The following PLXNA4 variants were observed in gnomAD, a reference collection of about 807,000 sequenced individuals.
PLXNA4 encodes the protein plexin-A4.
In PLXNA4, 44 loss-of-function variants were observed where a neutral mutation model predicts 191.8. That is an observed-to-expected ratio of 0.23 (90% CI 0.18 to 0.29). The LOEUF is 0.29. Among genes scored for constraint, PLXNA4 ranks in the 10% least tolerant of loss-of-function variants. The pLI is 1.00. For synonymous variants in PLXNA4, 1,082 were observed against 1,009.5 expected (o/e 1.07, Z -1.36); for missense variants, 1,800 against 2,488.8 (o/e 0.72, Z 5.89).
intron 1 of PLXNA4, among the ~76,000 whole-genome samples, chr7:132,541,198 A>T (rs951112776): frequency 3.3e-5 from 5 of 152,134 alleles, no homozygotes; most frequent in African/African-American, 1.2e-4. Context: ...CCCCTAACTT[A>T]ACACCTCTCT....
intron 3 of PLXNA4, among the ~76,000 whole-genome samples, chr7:132,299,406 C>G (rs1801224089): frequency 6.6e-6 from 1 of 152,002 alleles, no homozygotes; most frequent in Non-Finnish European, 1.5e-5. Flanking sequence ...GAAAGAACAC[C>G]ATGTTAATGA....
chr7:132,485,424 G>A (rs1372017304), intron 3 of PLXNA4, among the ~76,000 whole-genome samples: 1 of 152,218 alleles, frequency 6.6e-6, no homozygotes, highest in East Asian at 1.9e-4. Flanking sequence ...ATGTCAGGCA[G>A]TAATTCACCA....
At chr7:132,222,871 C>T (rs781630600) in intron 9 of PLXNA4, among the ~76,000 whole-genome samples, 2 of 152,168 alleles carry the variant, frequency 1.3e-5, no homozygotes, top group African/African-American at 2.4e-5. Context: ...AGTATCTCAG[C>T]GATTCTTCAA....
intron 4 of PLXNA4, among the ~76,000 whole-genome samples, chr7:132,258,547 T>C (rs888906211): frequency 6.6e-6 from 1 of 152,184 alleles, no homozygotes; most frequent in Non-Finnish European, 1.5e-5. Flanking sequence ...TGCCTGACCA[T>C]AGCCCCTGCC....
intron 9 of PLXNA4, among the ~76,000 whole-genome samples, chr7:132,216,987 G>A (rs770050297): frequency 6.6e-6 from 1 of 152,188 alleles, no homozygotes; most frequent in Non-Finnish European, 1.5e-5. Flanking sequence ...AACTCCCTCG[G>A]AGGCTGTTTT....
chr7:132,532,720 T>C (rs1799668657), intron 1 of PLXNA4, among the ~76,000 whole-genome samples: 1 of 152,244 alleles, frequency 6.6e-6, no homozygotes, highest in Admixed American at 6.5e-5. Context: ...TAGCATTGTA[T>C]TCAAAGACCT....
intron 3 of PLXNA4, among the ~76,000 whole-genome samples, chr7:132,417,837 T>C (rs1262146444): frequency 6.6e-6 from 1 of 152,130 alleles, no homozygotes; most frequent in Non-Finnish European, 1.5e-5. Flanking sequence ...GGTTTACTCT[T>C]TGGTCCGTGG....
intron 8 of PLXNA4, among the ~76,000 whole-genome samples, chr7:132,225,506 G>A (rs181584351): frequency 1.6e-3 from 242 of 152,274 alleles, no homozygotes; most frequent in African/African-American, 5.4e-3. Flanking sequence ...CAGCTGGTCC[G>A]GCTACAGAGC....
intron 1 of PLXNA4, among the ~76,000 whole-genome samples, chr7:132,573,121 T>C (rs1436876443): frequency 6.7e-6 from 1 of 148,798 alleles, no homozygotes; most frequent in African/African-American, 2.5e-5. Flanking sequence ...GGAAGGGAGG[T>C]GTCAAGGGAG....
intron 29 of PLXNA4, among the ~76,000 whole-genome samples, chr7:132,142,354 T>C (rs954246772): frequency 6.6e-6 from 1 of 152,226 alleles, no homozygotes; most frequent in Admixed American, 6.5e-5. Flanking sequence ...TTTATTGTTT[T>C]GGTGGTTGTT....
At chr7:132,166,318 G>C (rs1796120915) in intron 22 of PLXNA4, among the ~76,000 whole-genome samples, 1 of 83,008 alleles carries the variant, frequency 1.2e-5, no homozygotes, top group Non-Finnish European at 3.4e-5. Context: ...GTTCATTCTT[G>C]AGTCTAACTT....
At position 132,463,299 on chromosome 7, in the gene PLXNA4, AGTG is replaced by A. The variant is rs369774669; in HGVS notation, c.1371+25990_1371+25992del. Among the ~76,000 whole-genome samples the A allele has an allele frequency of 1.8e-3, 269 of 152,326 alleles. 3 individuals carry two copies. The highest frequency in any genetic ancestry group is 5.9e-3 in the African/African-American group (247 of 41,582). ...CAGCACAGGTTAGGTTTGATCAGTC[AGTG>A]GATGCTGCTGGGTTGGAAACTGGAT... On this transcript the variant is annotated intron_variant, in intron 3 of 31. Coordinates refer to ENST00000321063, the MANE Select transcript of PLXNA4 (RefSeq NM_020911.2).
Position 132,378,281 on chromosome 7 carries a change from G to A in PLXNA4, c.1372-80059C>T, listed in dbSNP as rs377015416. Among the ~76,000 whole-genome samples the A allele has an allele frequency of 2.8e-4, 42 of 152,232 alleles. No homozygotes were observed. In the South Asian group the frequency reaches 6.0e-3, roughly 22 times the overall value. The stretch of plus-strand genomic sequence containing the variant: ...AGTCGTGGAAATAGTGATTCTTCCC[G>A]TTGAAAACTTAACACGTGCTTTAGA... On this transcript the variant is annotated intron_variant, in intron 3 of 31. Transcript: ENST00000321063.
At chr7:132,480,212 G>C (rs73158850) in intron 3 of PLXNA4, among the ~76,000 whole-genome samples, 1 of 152,308 alleles carries the variant, frequency 6.6e-6, no homozygotes, top group Non-Finnish European at 1.5e-5. Context: ...GGAAGGAAAA[G>C]GTAAGAATGG....
chr7:132,195,234 G>GT (rs1421021143), intron 13 of PLXNA4, among the ~76,000 whole-genome samples: 2 of 152,098 alleles, frequency 1.3e-5, no homozygotes, highest in Middle Eastern at 3.2e-3. Flanking sequence ...AAACACTTCT[G>GT]TTTTTTGCTC....
At chr7:132,381,646 C>A (rs999516155) in intron 3 of PLXNA4, among the ~76,000 whole-genome samples, 1 of 152,296 alleles carries the variant, frequency 6.6e-6, no homozygotes, top group South Asian at 2.1e-4. Context: ...GAATTTACAC[C>A]CCTAGCCCGT....
intron 1 of PLXNA4, among the ~76,000 whole-genome samples, chr7:132,527,039 G>C (rs1008954187): frequency 6.6e-6 from 1 of 152,144 alleles, no homozygotes; most frequent in African/African-American, 2.4e-5. Flanking sequence ...CCCAGGCCCC[G>C]GGTTAAATCC....
intron 1 of PLXNA4, among the ~76,000 whole-genome samples, chr7:132,535,681 GTCC>G: frequency 6.6e-6 from 1 of 152,004 alleles, no homozygotes; most frequent in Non-Finnish European, 1.5e-5. Context: ...TAGAACCCAG[GTCC>G]TTTTGTTCCC....
Position 132,298,215 on chromosome 7 carries a change from A to G in PLXNA4, c.1379T>C (p.Val460Ala). 1 of 1,612,596 alleles carries G rather than the reference A, an allele frequency of 6.2e-7. No individual in the cohort carries two copies. ...GAGGGCGTTGCCCCTGGGTCCATCCACCCGGATCTGTGGAGAAGAAGAGGA... is the reference window on the plus strand; with the variant it reads ...GAGGGCGTTGCCCCTGGGTCCATCCGCCCGGATCTGTGGAGAAGAAGAGGA... Reference protein sequence around the residue: ...TKSGKLKKIRVDGPRGNALQY... With the variant: ...TKSGKLKKIRADGPRGNALQY... The change falls in exon 4 of 32, where the codon GTG (valine) becomes GCG (alanine). Residue 460 changes from valine (V) to alanine (A), a missense_variant. Val to Ala is a moderately conservative substitution (Grantham distance 64, BLOSUM62 0). This residue lies in a region of PLXNA4 where 1,397 missense variants were observed against 1,880.4 expected (regional missense o/e 0.74). Transcript: ENST00000321063.
Sources: allele counts gnomAD v4.1 joint callset (sites outside exome capture counted in the v4.1 genomes callset), GRCh38; gene constraint gnomAD v4.1.1; regional missense constraint gnomAD v4.1.1; transcripts MANE v1.5; gene names NCBI Gene and HGNC (gene_info 2026-07-23, HGNC 2026-07-21).